The following LEKR1 variants were observed in gnomAD, a reference collection of about 807,000 sequenced individuals.
LEKR1 encodes the protein leucine, glutamate and lysine rich 1, also known as protein LEKR1.
LEKR1 carries 59 observed loss-of-function variants against 72.4 expected under a neutral mutation model. The ratio of observed to expected loss-of-function variants is 0.82; its 90% confidence interval spans 0.66 to 1.01. The LOEUF (loss-of-function observed/expected upper bound fraction) is 1.01. Ranked by LOEUF, LEKR1 falls within the 50% of genes least tolerant of loss-of-function variation. The pLI is 0.00. For synonymous variants in LEKR1, 257 were observed against 263.2 expected, an observed-to-expected ratio of 0.98 and a Z score of 0.23; for missense variants, 728 against 759.2, an observed-to-expected ratio of 0.96 and a Z score of 0.48.
At chr3:156,832,533 A>C (rs1005424256) in intron 2 of LEKR1, among the ~76,000 whole-genome samples, 3 of 152,226 alleles carry the variant, frequency 2.0e-5, no homozygotes, top group African/African-American at 7.2e-5. Context: ...TATTTGCCAA[A>C]TAGGTTCTTT....
chr3:156,982,415 A>G (rs1730281289), intron 7 of LEKR1, among the ~76,000 whole-genome samples: 1 of 152,224 alleles, frequency 6.6e-6, no homozygotes, highest in Admixed American at 6.5e-5. Context: ...AGTGAGAAAA[A>G]AGAATTATCA....
chr3:156,916,476 T>A (rs1250852079), intron 3 of LEKR1, among the ~76,000 whole-genome samples: 1 of 152,124 alleles, frequency 6.6e-6, no homozygotes, highest in East Asian at 1.9e-4. Flanking sequence ...ATTTTTTACC[T>A]CCCTGGTTAA....
intron 3 of LEKR1, among the ~76,000 whole-genome samples, chr3:156,880,782 C>T (rs1719212921): frequency 6.6e-6 from 1 of 152,306 alleles, no homozygotes; most frequent in Non-Finnish European, 1.5e-5. Context: ...TCCAGCAGCA[C>T]ATCAAAAAAC....
intron 6 of LEKR1, among the ~76,000 whole-genome samples, chr3:156,969,135 A>T (rs1728909179): frequency 6.6e-6 from 1 of 152,182 alleles, no homozygotes; most frequent in Non-Finnish European, 1.5e-5. Flanking sequence ...CAGTGTGTAG[A>T]GGGAAATTTA....
At chr3:156,870,956 T>TA (rs1717859646) in intron 3 of LEKR1, among the ~76,000 whole-genome samples, 1 of 152,052 alleles carries the variant, frequency 6.6e-6, no homozygotes, top group African/African-American at 2.4e-5. Flanking sequence ...TCATTCTTTT[T>TA]TTTATTATTA....
intron 7 of LEKR1, among the ~76,000 whole-genome samples, chr3:156,987,784 A>G (rs1730826946): frequency 1.3e-5 from 2 of 152,182 alleles, no homozygotes; most frequent in Non-Finnish European, 2.9e-5. Flanking sequence ...GTGAGCCACT[A>G]TGATTTACTA....
At chr3:156,928,485 GA>G (rs1347878364) in intron 5 of LEKR1, among the ~76,000 whole-genome samples, 1 of 151,956 alleles carries the variant, frequency 6.6e-6, no homozygotes, top group Non-Finnish European at 1.5e-5. Flanking sequence ...TATTAATGTT[GA>G]AAAATGCATG....
intron 2 of LEKR1, among the ~76,000 whole-genome samples, chr3:156,850,726 A>G (rs1715252022): frequency 6.6e-6 from 1 of 152,152 alleles, no homozygotes; most frequent in Non-Finnish European, 1.5e-5. Context: ...TCTGGGTCTG[A>G]TGTCCAATCC....
chr3:156,928,827 T>C (rs1724960128), intron 5 of LEKR1, among the ~76,000 whole-genome samples: 1 of 152,068 alleles, frequency 6.6e-6, no homozygotes, highest in African/African-American at 2.4e-5. Flanking sequence ...ACACTCTAAG[T>C]TTAGCCAGAT....
At chr3:156,829,560 T>G (rs1462435948) in intron 2 of LEKR1, among the ~76,000 whole-genome samples, 183 bp downstream of exon 2, 1 of 152,222 alleles carries the variant, frequency 6.6e-6, no homozygotes, top group Non-Finnish European at 1.5e-5. Context: ...GTATGAAGAA[T>G]TTTGCTGCTA....
At chr3:156,871,105 C>T (rs567683609) in intron 3 of LEKR1, among the ~76,000 whole-genome samples, 11 of 152,100 alleles carry the variant, frequency 7.2e-5, no homozygotes, top group South Asian at 6.2e-4. Flanking sequence ...ATCTCTCCCC[C>T]CTCCCCCCAA....
At chr3:156,994,199 T>C (rs1731362169) in intron 9 of LEKR1, among the ~76,000 whole-genome samples, 1 of 152,170 alleles carries the variant, frequency 6.6e-6, no homozygotes, top group African/African-American at 2.4e-5. Flanking sequence ...ACAATCTTTT[T>C]TTTCTTTGAG....
chr3:156,875,433 T>G (rs1303915703), intron 3 of LEKR1, among the ~76,000 whole-genome samples: 1 of 152,220 alleles, frequency 6.6e-6, no homozygotes, highest in Admixed American at 6.5e-5. Context: ...TAGTCCTTTG[T>G]TGGATGCATA....
At chr3:156,910,501 A>T (rs1723005328) in intron 3 of LEKR1, among the ~76,000 whole-genome samples, 1 of 152,196 alleles carries the variant, frequency 6.6e-6, no homozygotes, top group Non-Finnish European at 1.5e-5. Context: ...ACTGTTGGGT[A>T]CTGTGGTCAG....
Position 156,947,911 on chromosome 3 carries a change from C to A in LEKR1, c.745+5197C>A, listed in dbSNP as rs576227943. Among the ~76,000 whole-genome samples, 275 of 151,060 alleles carry A rather than the reference C, an allele frequency of 1.8e-3. 2 individuals are homozygous for A. The highest frequency in any genetic ancestry group is 6.5e-3 in the African/African-American group (269 of 41,366). On this transcript the variant is annotated intron_variant, in intron 6 of 12. Transcript: ENST00000356539. Reference sequence around the variant, plus strand: ...TTTAACTTTAATATAATTTTATTTACCTCTAATCCACAGGCTCCAAGAATT... The same window carrying A: ...TTTAACTTTAATATAATTTTATTTAACTCTAATCCACAGGCTCCAAGAATT...
At chr3:157,030,280 C>A (rs138155560) in intron 12 of LEKR1, among the ~76,000 whole-genome samples, 22 of 152,230 alleles carry the variant, frequency 1.4e-4, no homozygotes, top group African/African-American at 5.3e-4. Flanking sequence ...AAACACCTCC[C>A]ACTAGGCCCC....
intron 3 of LEKR1, among the ~76,000 whole-genome samples, chr3:156,873,249 T>C (rs1345808162): frequency 6.6e-6 from 1 of 152,100 alleles, no homozygotes; most frequent in Non-Finnish European, 1.5e-5. Context: ...TGTTCACTTT[T>C]GGTTTCCCTT....
chr3:156,964,536 T>A (rs923173974), intron 6 of LEKR1, among the ~76,000 whole-genome samples: 3 of 152,184 alleles, frequency 2.0e-5, no homozygotes, highest in African/African-American at 7.2e-5. Context: ...TGTAATTGTG[T>A]GGTAGAATTA....
At chr3:156,943,483 AGAG>A (rs915447681) in intron 6 of LEKR1, among the ~76,000 whole-genome samples, 3 of 151,948 alleles carry the variant, frequency 2.0e-5, no homozygotes, top group South Asian at 4.1e-4. Context: ...CCTATCTTAC[AGAG>A]GAGAGAACCA....
Sources: allele counts gnomAD v4.1 joint callset (sites outside exome capture counted in the v4.1 genomes callset), GRCh38; gene constraint gnomAD v4.1.1; transcripts MANE v1.5; gene names NCBI Gene and HGNC (gene_info 2026-07-23, HGNC 2026-07-21).